The following GPHN variants were observed in gnomAD, a reference collection of about 807,000 sequenced individuals.
GPHN encodes gephyrin.
Under a neutral mutation model 95.5 loss-of-function variants are expected in GPHN, and 17 were observed. That is an observed-to-expected ratio of 0.18 (90% CI 0.12 to 0.27). The LOEUF (loss-of-function observed/expected upper bound fraction) is 0.27. GPHN is among the 10% of genes least tolerant of loss of function. The pLI is 1.00. For synonymous variants in GPHN, 320 were observed against 322.5 expected (o/e 0.99, Z 0.08); for missense variants, 660 against 978.1 (o/e 0.67, Z 4.34).
intron 3 of GPHN, among the ~76,000 whole-genome samples, chr14:66,782,492 T>C (rs998123058): frequency 6.6e-6 from 1 of 152,100 alleles, no homozygotes; most frequent in Non-Finnish European, 1.5e-5. Flanking sequence ...TTCCTATTAC[T>C]ACTAAAAATG....
chr14:66,629,105 T>A (rs2063639439), intron 1 of GPHN, among the ~76,000 whole-genome samples: 2 of 135,322 alleles, frequency 1.5e-5, no homozygotes, highest in Middle Eastern at 3.4e-3. Flanking sequence ...AAATATATAT[T>A]TATATACATA....
chr14:67,134,908 TTCTC>T (rs890007886), intron 17 of GPHN, among the ~76,000 whole-genome samples: 7 of 148,884 alleles, frequency 4.7e-5, no homozygotes, highest in African/African-American at 1.2e-4. Context: ...TATCTTTCCT[TTCTC>T]TCTCTTTCTT....
the GPHN span, among the ~76,000 whole-genome samples, chr14:67,655,118 T>C: frequency 4.6e-5 from 7 of 151,192 alleles, no homozygotes; most frequent in East Asian, 1.9e-4. Flanking sequence ...GGTGGAATGA[T>C]TGCTTGAGCC....
chr14:66,743,795 C>A (rs1348998382), intron 2 of GPHN, among the ~76,000 whole-genome samples: 2 of 152,044 alleles, frequency 1.3e-5, no homozygotes, highest in Non-Finnish European at 2.9e-5. Flanking sequence ...AACAGCTAAC[C>A]AAGTCTTATT....
chr14:67,574,288 G>A, the GPHN span: 2 of 1,608,758 alleles, frequency 1.2e-6, no homozygotes, highest in South Asian at 2.2e-5. The surrounding 1 kb of genome is among the most constrained non-coding windows in gnomAD (Gnocchi z 4.2). Context: ...GATTCACCCA[G>A]CCTGCTGGAG....
chr14:67,095,237 T>C (rs2077310662), intron 12 of GPHN, among the ~76,000 whole-genome samples: 1 of 152,220 alleles, frequency 6.6e-6, no homozygotes. Flanking sequence ...TATATTCAGT[T>C]TGATCTTATA....
chr14:67,661,647 T>A, the GPHN span, among the ~76,000 whole-genome samples: 1 of 145,166 alleles, frequency 6.9e-6, no homozygotes, highest in Non-Finnish European at 1.5e-5. Context: ...ATCTCCCACC[T>A]CAGCCTCCTG....
At chr14:66,548,293 G>A (rs2059681026) in intron 1 of GPHN, among the ~76,000 whole-genome samples, 1 of 149,986 alleles carries the variant, frequency 6.7e-6, no homozygotes, top group African/African-American at 2.5e-5. Context: ...AGATTCTTCT[G>A]CCTCAGCCTC....
the GPHN span, chr14:67,574,195 C>A: frequency 6.6e-7 from 1 of 1,514,116 alleles, no homozygotes; most frequent in South Asian, 1.3e-5. The surrounding 1 kb of genome is among the most constrained non-coding windows in gnomAD (Gnocchi z 4.2). Context: ...CCTGGTTACT[C>A]CATTCTCCCA....
At chr14:66,905,712 G>C (rs2065345862) in intron 5 of GPHN, among the ~76,000 whole-genome samples, 1 of 151,994 alleles carries the variant, frequency 6.6e-6, no homozygotes, top group East Asian at 1.9e-4. Flanking sequence ...TTGTTTTTCA[G>C]CCCTTGCCCC....
the GPHN span, among the ~76,000 whole-genome samples, chr14:67,462,131 T>C: frequency 1.3e-5 from 2 of 152,034 alleles, no homozygotes; most frequent in Non-Finnish European, 1.5e-5. Flanking sequence ...GGGGTAGGGG[T>C]TAGATGAGAG....
intron 1 of GPHN, among the ~76,000 whole-genome samples, chr14:66,675,247 G>T (rs1327192104): frequency 6.7e-6 from 1 of 150,060 alleles, no homozygotes; most frequent in Non-Finnish European, 1.5e-5. Flanking sequence ...GAATTCAAGC[G>T]ATTCTCCTGC....
At chr14:67,147,084 TA>T (rs1214270962) in intron 18 of GPHN, among the ~76,000 whole-genome samples, 5 of 152,064 alleles carry the variant, frequency 3.3e-5, no homozygotes, top group African/African-American at 1.2e-4. Context: ...AACATACACA[TA>T]AAAAAATTTT....
At chr14:66,653,940 G>A (rs1487393675) in intron 1 of GPHN, among the ~76,000 whole-genome samples, 1 of 152,038 alleles carries the variant, frequency 6.6e-6, no homozygotes, top group Non-Finnish European at 1.5e-5. Flanking sequence ...AATGTCCAGG[G>A]GTGCAATAGC....
At chr14:67,238,461 G>T in the GPHN span, among the ~76,000 whole-genome samples, 3 of 151,422 alleles carry the variant, frequency 2.0e-5, no homozygotes, top group Non-Finnish European at 2.9e-5. Flanking sequence ...GTAGAGACGG[G>T]GTCTCCCCAT....
At chr14:67,530,739 A>C in the GPHN span, among the ~76,000 whole-genome samples, 4 of 152,248 alleles carry the variant, frequency 2.6e-5, no homozygotes, top group African/African-American at 9.6e-5. Flanking sequence ...TTGCCCTTGC[A>C]TGAATGGAGT....
At chr14:67,439,562 T>TTTCTTTC in the GPHN span, among the ~76,000 whole-genome samples, 4 of 138,622 alleles carry the variant, frequency 2.9e-5, no homozygotes, top group Non-Finnish European at 6.0e-5. Context: ...TCTTTCTTTC[T>TTTCTTTC]TTCTTTCTTT....
At chr14:67,692,385 C>A in the GPHN span, 1 of 1,583,214 alleles carries the variant, frequency 6.3e-7, no homozygotes, top group Non-Finnish European at 8.6e-7. Flanking sequence ...TTAGTTGAAT[C>A]TGCCATGTTG....
chr14:66,847,095 C>G (rs1293983545), intron 4 of GPHN, among the ~76,000 whole-genome samples: 1 of 152,114 alleles, frequency 6.6e-6, no homozygotes, highest in Non-Finnish European at 1.5e-5. Flanking sequence ...CTCAGTACTT[C>G]ACACTGATTC....
Sources: allele counts gnomAD v4.1 joint callset (sites outside exome capture counted in the v4.1 genomes callset), GRCh38; gene constraint gnomAD v4.1.1; non-coding constraint Gnocchi (gnomAD v3.1); transcripts MANE v1.5; gene names NCBI Gene and HGNC (gene_info 2026-07-23, HGNC 2026-07-21).